ZNF676: variants seen among roughly 807,000 people sequenced by gnomAD.
The protein encoded by ZNF676 is zinc finger protein 676.
In ZNF676, 4 loss-of-function variants were observed where a neutral mutation model predicts 6.0. The ratio of observed to expected loss-of-function variants is 0.67; its 90% CI spans 0.33 to 1.53. ZNF676 has a LOEUF of 1.53. Ranked by LOEUF, ZNF676 falls within the 40% of genes most tolerant of loss-of-function variation. ZNF676 has a pLI of 0.06. For synonymous variants in ZNF676, 198 were observed against 223.1 expected (o/e 0.89, Z 1.00); for missense variants, 644 against 679.7 (o/e 0.95, Z 0.58).
chr19:22,182,928 A>G (rs2023781029), intron 2 of ZNF676, among the ~76,000 whole-genome samples: 1 of 152,144 alleles, frequency 6.6e-6, no homozygotes, highest in Non-Finnish European at 1.5e-5. Flanking sequence ...AGATAAAAGC[A>G]CAGGAATTAT....
the ZNF676 span, among the ~76,000 whole-genome samples, chr19:22,225,733 C>T: frequency 3.3e-5 from 5 of 152,208 alleles, no homozygotes; most frequent in African/African-American, 7.2e-5. Flanking sequence ...AATGCTCTTC[C>T]CATTTATGCT....
the ZNF676 span, among the ~76,000 whole-genome samples, chr19:22,232,501 T>C: frequency 2.6e-5 from 4 of 152,110 alleles, no homozygotes; most frequent in African/African-American, 4.8e-5. Context: ...TTTTGTATAA[T>C]AAAAATAAAA....
chr19:22,231,683 A>G, the ZNF676 span, among the ~76,000 whole-genome samples: 1 of 150,968 alleles, frequency 6.6e-6, no homozygotes. Flanking sequence ...GCTCACTGCA[A>G]CCTCTGCCTC....
intron 2 of ZNF676, among the ~76,000 whole-genome samples, chr19:22,188,710 A>C (rs2023868636): frequency 6.6e-6 from 1 of 151,582 alleles, no homozygotes; most frequent in Non-Finnish European, 1.5e-5. Flanking sequence ...ATTCTTATAC[A>C]CCAATAATAG....
At chr19:22,212,254 TA>T (rs2024136723) in intron 1 of ZNF676, among the ~76,000 whole-genome samples, 1 of 150,952 alleles carries the variant, frequency 6.6e-6, no homozygotes, top group Non-Finnish European at 1.5e-5. Context: ...AGAAAACTCC[TA>T]AATTCACTCT....
intron 1 of ZNF676, 48 bp from the exon 2 acceptor site, chr19:22,193,159 T>C (rs2023930188): frequency 2.6e-6 from 4 of 1,526,782 alleles, no homozygotes; most frequent in Middle Eastern, 1.7e-4. Flanking sequence ...TATTCTCCAA[T>C]TACCAACTTA....
intron 2 of ZNF676, 46 bp from the exon 3 acceptor site, chr19:22,181,632 G>T: frequency 2.9e-6 from 4 of 1,390,308 alleles, no homozygotes; most frequent in Non-Finnish European, 3.8e-6. Context: ...ATTAGACTCA[G>T]ATAAGTACAG....
At chr19:22,248,484 T>TTA in the ZNF676 span, among the ~76,000 whole-genome samples, 1 of 152,122 alleles carries the variant, frequency 6.6e-6, no homozygotes, top group Non-Finnish European at 1.5e-5. Flanking sequence ...TTAAAGTATT[T>TTA]TATATATATT....
intron 1 of ZNF676, among the ~76,000 whole-genome samples, chr19:22,195,776 C>T (rs982939054): frequency 1.1e-4 from 17 of 152,196 alleles, no homozygotes; most frequent in African/African-American, 4.1e-4. Flanking sequence ...AAGCGAGTAT[C>T]CATGGGACCT....
At chr19:22,200,836 A>T (rs1405737482), upstream of ZNF676, among the ~76,000 whole-genome samples, 2 of 152,048 alleles carry the variant, frequency 1.3e-5, no homozygotes, top group East Asian at 3.9e-4. Flanking sequence ...GGTATGAGAC[A>T]CTGCACCCAG....
chr19:22,192,806 A>C (rs529878868), intron 2 of ZNF676, among the ~76,000 whole-genome samples: 1 of 152,326 alleles, frequency 6.6e-6, no homozygotes, highest in Non-Finnish European at 1.5e-5. Flanking sequence ...TTGAAGGAAA[A>C]TTACTTAAGG....
chr19:22,186,654 C>T (rs1401160645), intron 2 of ZNF676, among the ~76,000 whole-genome samples: 1 of 152,090 alleles, frequency 6.6e-6, no homozygotes, highest in Non-Finnish European at 1.5e-5. Context: ...CATGCAAAGA[C>T]ACATATAGGC....
intron 1 of ZNF676, among the ~76,000 whole-genome samples, chr19:22,202,879 G>C (rs919291547): frequency 9.2e-5 from 14 of 152,302 alleles, no homozygotes; most frequent in African/African-American, 3.4e-4. Flanking sequence ...GCTGAAGGTA[G>C]GCTTTGACTC....
Position 22,181,566 on chromosome 19 carries a change from G to A in ZNF676, c.151C>T (p.Gln51Ter). Residue 51 changes from glutamine to a stop codon, truncating the protein, a stop_gained, in exon 3 of 3, where the codon CAA (glutamine) becomes TAA (stop). Transcript: ENST00000397121. LOFTEE classifies it low-confidence loss of function (END_TRUNC). ...EPPVICSHFS[Q>*]EFWPEQGIED... The stretch of plus-strand genomic sequence containing the variant: ...ATGCCTTGCTCTGGCCAAAACTCTT[G>A]GGAAAAATGAGAACATATAACTGAA... 9 of 1,559,232 alleles carry A rather than the reference G, an allele frequency of 5.8e-6. No homozygotes were observed. The highest frequency in any genetic ancestry group is 4.9e-5 in the South Asian group (4 of 81,410).
rs758994768 is a variant in ZNF676 at position 22,181,542 on chromosome 19, T to C, written c.175A>G (p.Ile59Val). ...FSQEFWPEQG[I>V]EDSFQKMILR... ...ATCATTTTTTGGAAAGAATCTTCTATGCCTTGCTCTGGCCAAAACTCTTGG... is the reference window on the plus strand; with the variant it reads ...ATCATTTTTTGGAAAGAATCTTCTACGCCTTGCTCTGGCCAAAACTCTTGG... The change falls in exon 3 of 3, where the codon ATA (isoleucine) becomes GTA (valine). Residue 59 changes from isoleucine to valine, a missense_variant. Physicochemically the swap from Ile to Val is conservative, Grantham distance 29. Transcript: ENST00000397121. The C allele has an allele frequency of 3.1e-6, 5 of 1,599,194 alleles. No individual in the cohort carries two copies. The African/African-American group carries it at 5.4e-5, about 17-fold the overall frequency.
At chr19:22,205,846 A>G (rs1417036462) in intron 1 of ZNF676, among the ~76,000 whole-genome samples, 1 of 152,090 alleles carries the variant, frequency 6.6e-6, no homozygotes, top group African/African-American at 2.4e-5. Flanking sequence ...ATGAAAAACT[A>G]CAAAATATCA....
chr19:22,210,086 T>G (rs894010690), intron 1 of ZNF676, among the ~76,000 whole-genome samples: 3 of 152,160 alleles, frequency 2.0e-5, no homozygotes, highest in African/African-American at 7.2e-5. Flanking sequence ...GGAGGAGACC[T>G]GGAATCAAAG....
intron 1 of ZNF676, among the ~76,000 whole-genome samples, chr19:22,205,972 C>T (rs2024071893): frequency 6.6e-6 from 1 of 151,276 alleles, no homozygotes; most frequent in Non-Finnish European, 1.5e-5. Flanking sequence ...ACTGACCCCA[C>T]AAAAATATAC....
chr19:22,184,506 G>A (rs2023805425), intron 2 of ZNF676, among the ~76,000 whole-genome samples: 1 of 152,040 alleles, frequency 6.6e-6, no homozygotes, highest in African/African-American at 2.4e-5. Context: ...TGCCCAGAAG[G>A]CCAGTGAGAC....
Sources: gnomAD v4.1 joint callset for allele counts (sites outside exome capture counted in the v4.1 genomes callset) on GRCh38, gnomAD v4.1.1 for gene constraint, MANE v1.5 for transcripts, NCBI Gene and HGNC (gene_info 2026-07-23, HGNC 2026-07-21) for gene names.